The following GSN variants were observed in gnomAD, a reference collection of about 807,000 sequenced individuals.
GSN encodes the protein gelsolin, also known as actin-depolymerizing factor.
Under a neutral mutation model 85.7 loss-of-function variants are expected in GSN, and 56 were observed. The observed-to-expected ratio is 0.65, with a 90% confidence interval of 0.53 to 0.82. The LOEUF is 0.82. Ranked by LOEUF, GSN falls within the 40% of genes least tolerant of loss-of-function variation. GSN has a pLI of 0.00. For missense variants in GSN, 857 were observed against 979.8 expected (o/e 0.87, Z 1.67); for synonymous variants, 373 against 399.1 (o/e 0.93, Z 0.78).
intron 5 of GSN, among the ~76,000 whole-genome samples, chr9:121,243,383 T>G (rs886479979): frequency 1.3e-5 from 2 of 152,222 alleles, no homozygotes; most frequent in African/African-American, 4.8e-5. Context: ...TTAAGATTCT[T>G]AATCACATCT....
At chr9:121,282,177 C>T in intron 2 of GSN, 1 of 506,460 alleles carries the variant, frequency 2.0e-6, no homozygotes, top group Non-Finnish European at 3.7e-6. Flanking sequence ...GAGACTGGCT[C>T]ACCTCCCAGC....
At chr9:121,251,007 G>A (rs1301539861) in intron 6 of GSN, among the ~76,000 whole-genome samples, 2 of 149,224 alleles carry the variant, frequency 1.3e-5, no homozygotes, top group African/African-American at 5.0e-5. Context: ...ATTTTTTTTT[G>A]TAGAGTTGGG....
chr9:121,219,827 G>A (rs1042155990), intron 4 of GSN, among the ~76,000 whole-genome samples: 2 of 151,822 alleles, frequency 1.3e-5, no homozygotes, highest in Admixed American at 6.6e-5. Context: ...CTGCAAACCC[G>A]GTTGCATGAC....
intron 2 of GSN, chr9:121,286,259 G>A: frequency 2.0e-6 from 2 of 988,076 alleles, no homozygotes; most frequent in Non-Finnish European, 3.0e-6. Flanking sequence ...CCGAGGGAAA[G>A]TCCCGCTCCT....
chr9:121,246,291 G>T (rs1321075442), intron 5 of GSN, among the ~76,000 whole-genome samples: 1 of 152,122 alleles, frequency 6.6e-6, no homozygotes, highest in Non-Finnish European at 1.5e-5. Context: ...GAGATGTGAA[G>T]ATAGTTGTCT....
rs142305374 is a variant in GSN, at chr9:121,302,104, G to A, written c.133G>A (p.Val45Ile). ...YGDFFTGDAY[V>I]ILKTVQLRNG... ...AGACTTCTTCACGGGCGACGCCTAC[G>A]TCATCCTGAAGACAGTGCAGCTGAG... The change falls in exon 3 of 18, where the codon GTC (valine) becomes ATC (isoleucine). Residue 45 changes from valine to isoleucine, a missense_variant. Coordinates refer to ENST00000432226, the MANE Select transcript of GSN (RefSeq NM_198252.3). 1.4e-5 allele frequency: 23 copies of A among 1,614,194 alleles called. No individual in the cohort carries two copies. In the African/African-American group the frequency reaches 1.5e-4, roughly 10 times the overall value.
intron 7 of GSN, among the ~76,000 whole-genome samples, chr9:121,315,570 C>T (rs1001201369): frequency 1.3e-5 from 2 of 152,044 alleles, no homozygotes; most frequent in African/African-American, 4.8e-5. Flanking sequence ...TCGAGACCAG[C>T]CTGGCTAACA....
intron 1 of GSN, among the ~76,000 whole-genome samples, chr9:121,269,421 C>T (rs552391507): frequency 7.9e-5 from 12 of 152,298 alleles, no homozygotes; most frequent in South Asian, 4.1e-4. Flanking sequence ...GACCCAATTC[C>T]GGTCTGCCGT....
chr9:121,301,799 C>G (rs773795108), intron 2 of GSN, 164 bp from the exon 3 acceptor site: 6 of 1,061,940 alleles, frequency 5.7e-6, no homozygotes, highest in Non-Finnish European at 8.4e-6. Context: ...TTTGCTGACT[C>G]GTTGAGACAG....
At position 121,224,035 on chromosome 9, in the gene GSN, G is replaced by GT. The variant is rs375542039; in HGVS notation, c.-527-7129dup. On this transcript the variant is annotated intron_variant, in intron 4 of 24. Transcript: ENST00000373823. ...ATAATAAGTAATATCAATCTTTTCA[G>GT]TATTTGCCAGTCTGATAGGTTAAAA... Among the ~76,000 whole-genome samples the GT allele has an allele frequency of 3.8e-3, 575 of 151,716 alleles. 3 individuals carry two copies. Among genetic ancestry groups the GT allele is most frequent in the African/African-American group, 0.013 (539 of 41,326 alleles).
intron 4 of GSN, chr9:121,309,425 G>C (rs1371009923): frequency 2.6e-5 from 4 of 152,220 alleles, no homozygotes; most frequent in African/African-American, 9.7e-5. Context: ...GGCTCGGAAA[G>C]GGCAAGTGAC....
chr9:121,308,130 A>G (rs1414804045), intron 4 of GSN, among the ~76,000 whole-genome samples: 3 of 152,228 alleles, frequency 2.0e-5, no homozygotes, highest in African/African-American at 4.8e-5. Context: ...GAGGTCAGTC[A>G]TAGTGTGGCC....
chr9:121,250,872 GGTGTGT>G lies in GSN; in HGVS notation c.-341+2583_-341+2588del, dbSNP rs34623899. Among the ~76,000 whole-genome samples, 464 of 135,058 alleles carry G rather than the reference GGTGTGT, an allele frequency of 3.4e-3. 2 individuals carry two copies. Among genetic ancestry groups the G allele is most frequent in the African/African-American group, 8.8e-3 (321 of 36,320 alleles). 88.6% of individuals were successfully genotyped at this position (135,058 alleles called of 152,430 possible). A position where few individuals can be genotyped will look rare whatever the true frequency, so the allele number is the denominator to read the frequency against. The stretch of plus-strand genomic sequence containing the variant: ...TTTTTTGCTTATCATGCCTGCTTGG[GGTGTGT>G]GTGTGTGTGTGTGTGTGTGTGTGTG... On this transcript the variant is annotated intron_variant, in intron 6 of 24. Coordinates refer to the GSN transcript ENST00000373823.
the GSN span, chr9:121,201,710 G>A: frequency 1.3e-5 from 2 of 152,574 alleles, no homozygotes; most frequent in Non-Finnish European, 2.9e-5. Context: ...CAGGAGTGCG[G>A]ACGCAGCGGG....
At position 121,270,332 on chromosome 9, in the gene GSN, C is replaced by T. The variant is rs187078550; in HGVS notation, c.-103+2113C>T. Among the ~76,000 whole-genome samples the T allele has an allele frequency of 3.5e-3, 530 of 152,290 alleles. 1 individual carries two copies. The highest frequency in any genetic ancestry group is 0.012 in the African/African-American group (498 of 41,562). ...GACAGAGCAGTGATTTTTAAAAACT[C>T]GTTATTCTGAATGGCTGATGTAGGG... On this transcript the variant is annotated intron_variant, in intron 1 of 17. Coordinates refer to ENST00000432226, the MANE Select transcript of GSN (RefSeq NM_198252.3).
At position 121,327,341 on chromosome 9, in the gene GSN, G is replaced by A. The variant is rs749896585; in HGVS notation, c.1621G>A (p.Asp541Asn). Residue 541 changes from aspartate (D) to asparagine (N), a missense_variant, in exon 14 of 18, where the codon GAT (aspartate) becomes AAT (asparagine). Asp to Asn is a conservative substitution (Grantham distance 23). Transcript: ENST00000432226. ...LPKAGALNSN[D>N]AFVLKTPSAA... is the part of the protein sequence containing the mutation. ...TAAGGCTGGTGCACTGAACTCCAAC[G>A]ATGCCTTTGTTCTGAAAACCCCCTC... 8.1e-6 allele frequency: 13 copies of A among 1,613,952 alleles called. No homozygotes were observed. Among genetic ancestry groups the A allele is most frequent in the South Asian group, 1.1e-5 (1 of 91,082 alleles).
chr9:121,231,161 A>G (rs908458368), intron 4 of GSN: 2 of 152,214 alleles, frequency 1.3e-5, no homozygotes, highest in African/African-American at 4.8e-5. Flanking sequence ...GTCCTTTTCC[A>G]TAGGTCACAC....
At chr9:121,279,911 C>T (rs1037945951) in intron 1 of GSN, 3 of 152,182 alleles carry the variant, frequency 2.0e-5, no homozygotes, top group African/African-American at 7.2e-5. Context: ...GAAAGACCCA[C>T]AGAGGTGGGC....
chr9:121,218,504 G>A (rs995531682), intron 4 of GSN, among the ~76,000 whole-genome samples: 13 of 152,110 alleles, frequency 8.5e-5, no homozygotes, highest in African/African-American at 3.1e-4. Context: ...GCATCATGAC[G>A]TGTACCCATA....
Sources: allele counts gnomAD v4.1 joint callset (sites outside exome capture counted in the v4.1 genomes callset), GRCh38; gene constraint gnomAD v4.1.1; transcripts MANE v1.5; gene names NCBI Gene and HGNC (gene_info 2026-07-23, HGNC 2026-07-21).